Variants in DMD observed in about 807,000 individuals in gnomAD.
DMD encodes mutant dystrophin.
Under a neutral mutation model 330.1 loss-of-function variants are expected in DMD, and 63 were observed. The observed-to-expected ratio is 0.19, with a 90% CI of 0.16 to 0.24. The LOEUF is 0.24. Among genes scored for constraint, DMD ranks in the 10% least tolerant of loss-of-function variants. DMD has a pLI of 1.00. For missense variants in DMD, 3,344 were observed against 2,684.1 expected (o/e 1.25, Z -5.43); for synonymous variants, 1,223 against 959.8 (o/e 1.27, Z -5.07).
At chrX:32,241,793 A>C (rs1346986844) in intron 43 of DMD, among the ~76,000 whole-genome samples, 1 of 111,630 alleles carries the variant, frequency 9.0e-6, no homozygotes, top group African/African-American at 3.3e-5. Context: ...TCATTGCTGT[A>C]TTTTGGGAGC....
intron 1 of DMD, among the ~76,000 whole-genome samples, chrX:33,035,437 T>A (rs1194748259): frequency 1.8e-5 from 2 of 111,715 alleles, no homozygotes; most frequent in East Asian, 2.8e-4. Context: ...TGGGCACTAT[T>A]TTTTTGTTGT....
intron 1 of DMD, among the ~76,000 whole-genome samples, chrX:33,273,239 C>T (rs1347510490): frequency 8.9e-6 from 1 of 111,906 alleles, no homozygotes; most frequent in African/African-American, 3.2e-5. Context: ...ATGATACTTC[C>T]AACCCTGGTT....
chrX:33,239,666 C>T (rs1210704432), intron 1 of DMD, among the ~76,000 whole-genome samples: 1 of 111,671 alleles, frequency 9.0e-6, no homozygotes, highest in African/African-American at 3.3e-5. Context: ...TTGTGTTCAA[C>T]ATGATGGTTT....
At chrX:31,809,198 T>C (rs1306629160) in intron 50 of DMD, among the ~76,000 whole-genome samples, 1 of 106,406 alleles carries the variant, frequency 9.4e-6, no homozygotes, top group East Asian at 2.8e-4. Context: ...TATATAAATA[T>C]ATATGAGTTT....
intron 2 of DMD, among the ~76,000 whole-genome samples, chrX:32,985,776 A>G (rs140779984): frequency 0.078 from 8,738 of 111,374 alleles, 813 homozygotes; most frequent in African/African-American, 0.26. Context: ...TGCCAAGTAG[A>G]CAGATGCCAA....
intron 59 of DMD, among the ~76,000 whole-genome samples, chrX:31,460,128 C>T (rs2066438619): frequency 8.9e-6 from 1 of 111,846 alleles, no homozygotes; most frequent in South Asian, 3.7e-4. Flanking sequence ...TATACCACAA[C>T]CATGAACTTT....
chrX:32,632,165 A>C (rs1021378293), intron 11 of DMD, among the ~76,000 whole-genome samples: 3 of 112,314 alleles, frequency 2.7e-5, no homozygotes. Flanking sequence ...GTCTCATGCA[A>C]GTCTGAAACC....
At chrX:31,463,653 G>A (rs1482264885) in intron 59 of DMD, among the ~76,000 whole-genome samples, 3 of 111,410 alleles carry the variant, frequency 2.7e-5, no homozygotes, top group African/African-American at 9.8e-5. Context: ...TATATTGGCT[G>A]TGTGATTCCA....
intron 48 of DMD, among the ~76,000 whole-genome samples, chrX:31,872,111 C>A (rs1320311359): frequency 9.4e-6 from 1 of 106,614 alleles, no homozygotes; most frequent in African/African-American, 3.4e-5. Flanking sequence ...AACACAGCCA[C>A]AAGCAGAAGA....
At chrX:32,756,848 G>A (rs1315550696) in intron 7 of DMD, among the ~76,000 whole-genome samples, 1 of 111,554 alleles carries the variant, frequency 9.0e-6, no homozygotes, top group Admixed American at 9.6e-5. Context: ...AGAATTAAGT[G>A]ATGCAAAACA....
intron 76 of DMD, 105 bp from the exon 77 acceptor site, chrX:31,134,299 C>T (rs760137397): frequency 3.1e-5 from 20 of 635,528 alleles, no homozygotes; most frequent in Non-Finnish European, 4.1e-5. Flanking sequence ...ATTTCACTTG[C>T]TCATAAATAA....
At chrX:32,011,015 T>C (rs770255067) in intron 44 of DMD, among the ~76,000 whole-genome samples, 1 of 112,448 alleles carries the variant, frequency 8.9e-6, no homozygotes, top group Admixed American at 9.4e-5. Context: ...ACAACCACTC[T>C]TACATAGGCA....
chrX:32,543,874 A>C (rs1425834346), intron 17 of DMD, among the ~76,000 whole-genome samples: 1 of 112,115 alleles, frequency 8.9e-6, no homozygotes, highest in Admixed American at 9.5e-5. Flanking sequence ...TTGTGTTACA[A>C]CTATTCAAAC....
At chrX:32,074,865 GCAA>G (rs1409465897) in intron 44 of DMD, among the ~76,000 whole-genome samples, 3 of 103,898 alleles carry the variant, frequency 2.9e-5, no homozygotes, top group East Asian at 3.2e-4. Flanking sequence ...AGCAGCAGCA[GCAA>G]CAACAACAAC....
chrX:33,096,929 C>G (rs2095174490), intron 1 of DMD, among the ~76,000 whole-genome samples: 1 of 112,540 alleles, frequency 8.9e-6, no homozygotes, highest in African/African-American at 3.2e-5. Context: ...GAATATCAAA[C>G]AGAATGATTC....
intron 11 of DMD, among the ~76,000 whole-genome samples, chrX:32,627,513 T>A (rs1310344126): frequency 1.0e-5 from 1 of 96,445 alleles, no homozygotes; most frequent in African/African-American, 5.9e-5. Context: ...ATTAATCCTA[T>A]TGATTCAGCA....
chrX:32,991,772 C>T (rs1448511112), intron 2 of DMD, among the ~76,000 whole-genome samples: 1 of 111,962 alleles, frequency 8.9e-6, no homozygotes, highest in African/African-American at 3.2e-5. Context: ...CAGATTCTTG[C>T]TTCACTTTAA....
intron 1 of DMD, among the ~76,000 whole-genome samples, chrX:33,131,988 C>T (rs2095502516): frequency 8.9e-6 from 1 of 111,863 alleles, no homozygotes; most frequent in African/African-American, 3.2e-5. Flanking sequence ...ACAAAATGAT[C>T]CCTAAGCTCA....
chrX:32,518,030 G>C lies in DMD; in HGVS notation c.2270C>G (p.Ser757Ter), dbSNP rs1192427975. The change falls in exon 18 of 79, where the codon TCA (serine) becomes TGA (stop). Residue 757 changes from serine (S) to a stop codon, truncating the protein, a stop_gained. Coordinates refer to ENST00000357033, the MANE Select transcript of DMD (RefSeq NM_004006.3). LOFTEE classifies it high-confidence loss of function. ...FAIFRKEGNF[S>*]DLKEKVNAIE... Reference sequence around the variant, plus strand: ...TACATTGACTTTTTCTTTTAAGTCTGAGAAGTTGCCTTCCTTCCGAAAGAT... The same window carrying C: ...TACATTGACTTTTTCTTTTAAGTCTCAGAAGTTGCCTTCCTTCCGAAAGAT... 1 of 1,208,495 alleles carries C rather than the reference G, an allele frequency of 8.3e-7. No homozygotes were observed. Among genetic ancestry groups the C allele is most frequent in the Non-Finnish European group, 1.1e-6 (1 of 894,134 alleles).
Sources: allele counts gnomAD v4.1 joint callset (sites outside exome capture counted in the v4.1 genomes callset), GRCh38; gene constraint gnomAD v4.1.1; transcripts MANE v1.5; gene names NCBI Gene and HGNC (gene_info 2026-07-23, HGNC 2026-07-21).